The following TAF1D variants were observed in gnomAD, a reference collection of about 807,000 sequenced individuals.
TAF1D encodes the protein TATA box-binding protein-associated factor RNA polymerase I subunit D.
TAF1D carries 23 observed loss-of-function variants against 26.2 expected under a neutral mutation model. The observed-to-expected ratio is 0.88, with a 90% CI of 0.63 to 1.25. TAF1D has a LOEUF of 1.25. Among genes scored for constraint, TAF1D ranks in the 50% most tolerant of loss-of-function variants. The pLI is 0.00. For synonymous variants in TAF1D, 100 were observed against 105.6 expected, an observed-to-expected ratio of 0.95 and a Z score of 0.33; for missense variants, 299 against 322.0, an observed-to-expected ratio of 0.93 and a Z score of 0.55.
intron 1 of TAF1D, among the ~76,000 whole-genome samples, chr11:93,740,869 CCTA>C (rs1028363939): frequency 2.0e-5 from 3 of 152,146 alleles, no homozygotes; most frequent in African/African-American, 7.2e-5. Context: ...AGAAGACACT[CCTA>C]CTTGGGTGTC....
chr11:93,731,269 T>C, downstream of TAF1D: 1 of 344,930 alleles, frequency 2.9e-6, no homozygotes, highest in Admixed American at 4.2e-5. Context: ...TACATAAATC[T>C]ATCTTTCAAG....
chr11:93,730,970 C>A (rs745807798), downstream of TAF1D: 5 of 504,080 alleles, frequency 9.9e-6, no homozygotes, highest in Non-Finnish European at 1.6e-5. Flanking sequence ...ATTTCTATTA[C>A]AGTTAATCAA....
downstream of TAF1D, chr11:93,732,352 C>G: frequency 3.9e-6 from 2 of 517,794 alleles, no homozygotes; most frequent in South Asian, 1.4e-5. Context: ...TCTGAGAAAC[C>G]TACACAAATA....
intron 2 of TAF1D, 98 bp from the exon 3 acceptor site, chr11:93,738,597 CAG>C: frequency 7.9e-7 from 1 of 1,259,536 alleles, no homozygotes; most frequent in Non-Finnish European, 1.1e-6. Context: ...AAGACCAACT[CAG>C]AAAACATGCC....
intron 2 of TAF1D, chr11:93,738,869 C>CA (rs1019325536): frequency 1.6e-5 from 5 of 303,538 alleles, no homozygotes; most frequent in Admixed American, 9.4e-5. Flanking sequence ...GCTCAGCTTA[C>CA]AAAAAAACTG....
intron 3 of TAF1D, 36 bp downstream of exon 3, chr11:93,738,068 CTTGAG>C: frequency 3.3e-6 from 5 of 1,510,340 alleles, no homozygotes; most frequent in Non-Finnish European, 4.4e-6. Flanking sequence ...TTTTGGGCAT[CTTGAG>C]TTATGTGTAG....
chr11:93,730,517 A>T (rs376563717), exon 12 of TAF1D: 15 of 704,462 alleles, frequency 2.1e-5, no homozygotes, highest in South Asian at 2.1e-4. Flanking sequence ...ATTACGTTTT[A>T]TATCTCCTCA....
At chr11:93,735,544 G>A (rs1169953156), downstream of TAF1D, 6 of 463,604 alleles carry the variant, frequency 1.3e-5, no homozygotes, top group African/African-American at 8.5e-5. Flanking sequence ...GCTGGCTAAC[G>A]CCTGTAATCC....
downstream of TAF1D, chr11:93,731,626 C>A: frequency 1.9e-6 from 1 of 512,834 alleles, no homozygotes; most frequent in Non-Finnish European, 3.9e-6. Context: ...CTTTTTTTTA[C>A]TCCTAAGTGG....
At chr11:93,731,254 T>C (rs1180640632), downstream of TAF1D, 3 of 359,636 alleles carry the variant, frequency 8.3e-6, no homozygotes, top group East Asian at 2.2e-4. Flanking sequence ...ATATTTACTA[T>C]TAAGTACATA....
At chr11:93,737,887 G>A (rs531138035) in intron 3 of TAF1D, among the ~76,000 whole-genome samples, 14 of 152,318 alleles carry the variant, frequency 9.2e-5, no homozygotes, top group African/African-American at 3.1e-4. Flanking sequence ...AAGAGCCTTG[G>A]AGCACTATCT....
Position 93,730,483 on chromosome 11 carries a change from C to G in TAF1D, c.*968G>C, listed in dbSNP as rs374790479. 82 of 745,722 alleles carry G rather than the reference C, an allele frequency of 1.1e-4. No homozygotes were observed. In the African/African-American group the frequency reaches 1.2e-3, roughly 11 times the overall value. 46.2% of individuals were successfully genotyped at this position (745,722 alleles called of 1,614,324 possible). ...GAAATTTTGATTAACCTTTAAAACT[C>G]TCACATGGCAACAATCCTGGATTAT... On this transcript the variant is annotated 3_prime_UTR_variant and NMD_transcript_variant, in exon 12 of 12. Transcript: ENST00000323981.
downstream of TAF1D, chr11:93,732,613 A>G: frequency 2.8e-6 from 1 of 363,194 alleles, no homozygotes; most frequent in South Asian, 2.2e-5. Context: ...TTTTTTCCTA[A>G]TTGTCACTGT....
In TAF1D at chr11:93,735,765, G is replaced by A; in HGVS notation, c.*396C>T. ...AGGTCACTTGTCATGGCTGAACAAAGCTGGGATAAAATTACAGCATTTCAA... is the reference window on the plus strand; with the variant it reads ...AGGTCACTTGTCATGGCTGAACAAAACTGGGATAAAATTACAGCATTTCAA... On this transcript the variant is annotated 3_prime_UTR_variant, in exon 6 of 6. Transcript: ENST00000448108. 1 of 1,050,660 alleles carries A rather than the reference G, an allele frequency of 9.5e-7. No individual in the cohort carries two copies. Among genetic ancestry groups the A allele is most frequent in the Non-Finnish European group, 1.1e-6 (1 of 870,920 alleles). 65.1% of individuals were successfully genotyped at this position (1,050,660 alleles called of 1,614,324 possible).
In TAF1D at chr11:93,735,831, A is replaced by G. The variant is rs1352886409; in HGVS notation, c.*330T>C. The G allele has an allele frequency of 1.9e-6, 2 of 1,072,358 alleles. No homozygotes were observed. Among genetic ancestry groups the G allele is most frequent in the Non-Finnish European group, 2.3e-6 (2 of 885,258 alleles). The allele number at this position is 1,072,358 out of a possible 1,614,324, so 66.4% of individuals were successfully genotyped here. A position where few individuals can be genotyped will look rare whatever the true frequency, so the allele number is the denominator to read the frequency against. Reference sequence around the variant, plus strand: ...TGGTTGGGTGTCAAGTTACTTTAAGATTTTCTTTTCAAAATTAAAATCACT... The same window carrying G: ...TGGTTGGGTGTCAAGTTACTTTAAGGTTTTCTTTTCAAAATTAAAATCACT... On this transcript the variant is annotated 3_prime_UTR_variant, in exon 6 of 6. Transcript: ENST00000448108.
intron 4 of TAF1D, 50 bp downstream of exon 4, chr11:93,737,014 A>T (rs1473950250): frequency 1.4e-6 from 2 of 1,436,262 alleles, no homozygotes; most frequent in Non-Finnish European, 1.9e-6. Flanking sequence ...ATTAACATAG[A>T]AATTTAATTT....
chr11:93,730,254 CA>C (rs1257458938), exon 12 of TAF1D: 2 of 1,549,608 alleles, frequency 1.3e-6, no homozygotes, highest in Admixed American at 3.9e-5. Flanking sequence ...AACTTCGAGC[CA>C]AAAATACATG....
At chr11:93,737,314 G>T in intron 3 of TAF1D, 75 bp from the exon 4 acceptor site, 1 of 1,013,088 alleles carries the variant, frequency 9.9e-7, no homozygotes, top group Non-Finnish European at 1.4e-6. Flanking sequence ...TTCAAAAAGG[G>T]CAATGCCCCC....
downstream of TAF1D, chr11:93,733,056 TTGA>T: frequency 2.9e-6 from 1 of 340,172 alleles, no homozygotes; most frequent in South Asian, 2.3e-5. Context: ...TTTTGAGTCC[TTGA>T]TTATTATAAG....
Sources: allele counts gnomAD v4.1 joint callset (sites outside exome capture counted in the v4.1 genomes callset), GRCh38; gene constraint gnomAD v4.1.1; transcripts MANE v1.5; gene names NCBI Gene and HGNC (gene_info 2026-07-23, HGNC 2026-07-21).